The following NOL10 variants were observed in gnomAD, a reference collection of about 807,000 sequenced individuals.
The protein encoded by NOL10 is H_NH0074G24.1.
NOL10 carries 58 observed loss-of-function variants against 103.5 expected under a neutral mutation model. That is an observed-to-expected ratio of 0.56 (90% CI 0.45 to 0.70). NOL10 has a LOEUF of 0.70. Ranked by LOEUF, NOL10 falls within the 30% of genes least tolerant of loss-of-function variation. The pLI, the probability that NOL10 is intolerant of heterozygous loss-of-function variation, is 0.00. For synonymous variants in NOL10, 287 were observed against 282.5 expected, an observed-to-expected ratio of 1.02 and a Z score of -0.16; for missense variants, 763 against 807.3, an observed-to-expected ratio of 0.95 and a Z score of 0.67.
intron 13 of NOL10, among the ~76,000 whole-genome samples, chr2:10,623,624 T>C (rs1460394681): frequency 6.6e-6 from 1 of 152,208 alleles, no homozygotes; most frequent in African/African-American, 2.4e-5. Flanking sequence ...CAGTTTTTGA[T>C]ATCCCACCCT....
At chr2:10,652,414 G>GA (rs1337322070) in intron 12 of NOL10, among the ~76,000 whole-genome samples, 103 of 142,534 alleles carry the variant, frequency 7.2e-4, no homozygotes, top group Middle Eastern at 7.1e-3. Flanking sequence ...AAAGAAAAAA[G>GA]AAAAAAAAAA....
intron 16 of NOL10, 67 bp from the exon 17 acceptor site, chr2:10,601,009 A>G: frequency 1.1e-6 from 1 of 926,640 alleles, no homozygotes; most frequent in Non-Finnish European, 1.7e-6. Context: ...ATATTAGCTT[A>G]AAGGTAAACA....
intron 10 of NOL10, among the ~76,000 whole-genome samples, chr2:10,658,324 C>T (rs975344779): frequency 5.9e-5 from 9 of 152,278 alleles, no homozygotes; most frequent in East Asian, 3.9e-4. Context: ...AGAATCTCTT[C>T]GGACCCGTCA....
intron 17 of NOL10, among the ~76,000 whole-genome samples, chr2:10,594,665 A>G (rs1642898559): frequency 6.6e-6 from 1 of 152,184 alleles, no homozygotes; most frequent in Admixed American, 6.5e-5. Flanking sequence ...CAAGAAATGC[A>G]GTCACAGATT....
chr2:10,610,904 C>T (rs1676528151), intron 13 of NOL10, among the ~76,000 whole-genome samples: 1 of 152,240 alleles, frequency 6.6e-6, no homozygotes, highest in Non-Finnish European at 1.5e-5. Flanking sequence ...TTCTGTCCTG[C>T]TGTTACATTG....
At position 10,644,327 on chromosome 2, in the gene NOL10, TA is replaced by T; in HGVS notation, c.1018del (p.Tyr340ThrfsTer15). The T allele has an allele frequency of 6.5e-7, 1 of 1,533,886 alleles. No homozygotes were observed. The highest frequency in any genetic ancestry group is 8.8e-7 in the Non-Finnish European group (1 of 1,141,058). ...CCTCTTTGTATTACTTACTGGAATG[TA>T]ATAGATGCCCATCTTGGGGGTTTCA... The part of the protein sequence containing the change: ...ANETPKMGIY[Y>X]IPVLGPAPRW... On this transcript the variant is annotated frameshift_variant, in exon 13 of 21. Coordinates refer to ENST00000381685, the MANE Select transcript of NOL10 (RefSeq NM_024894.4). LOFTEE classifies it high-confidence loss of function.
intron 12 of NOL10, among the ~76,000 whole-genome samples, chr2:10,646,730 C>T (rs893082005): frequency 1.3e-5 from 2 of 152,288 alleles, no homozygotes; most frequent in African/African-American, 2.4e-5. Context: ...TGCTCAGGGC[C>T]ACCACATAGC....
intron 12 of NOL10, 84 bp downstream of exon 12, chr2:10,654,397 G>A (rs940560844): frequency 2.2e-5 from 21 of 976,454 alleles, no homozygotes; most frequent in African/African-American, 2.1e-4. Context: ...AAAAAGTATA[G>A]CCTTTTTATT....
intron 17 of NOL10, among the ~76,000 whole-genome samples, chr2:10,594,773 T>C (rs1018212107): frequency 6.6e-6 from 1 of 152,166 alleles, no homozygotes; most frequent in African/African-American, 2.4e-5. Flanking sequence ...GGAGGATCTC[T>C]TGAGCTCAGG....
chr2:10,648,757 C>G (rs527266510), intron 12 of NOL10, among the ~76,000 whole-genome samples: 1 of 151,942 alleles, frequency 6.6e-6, no homozygotes, highest in South Asian at 2.1e-4. Flanking sequence ...TCAAGTTAAA[C>G]AACATCACGA....
chr2:10,677,021 C>T (rs1681356034), intron 3 of NOL10, among the ~76,000 whole-genome samples: 1 of 151,690 alleles, frequency 6.6e-6, no homozygotes, highest in African/African-American at 2.4e-5. Context: ...TCACTGCAAC[C>T]TCTGCTGCCT....
In NOL10 at chr2:10,662,940, CA is replaced by C. The variant is rs771871464; in HGVS notation, c.677+18del. The C allele has an allele frequency of 5.7e-6, 9 of 1,580,284 alleles. No homozygotes were observed. Among genetic ancestry groups the C allele is most frequent in the East Asian group, 2.2e-5 (1 of 44,696 alleles). On this transcript the variant is annotated intron_variant, in intron 9 of 20. Coordinates refer to ENST00000381685, the MANE Select transcript of NOL10 (RefSeq NM_024894.4). The stretch of plus-strand genomic sequence containing the variant: ...TAAAAGTTGATGAACATTTACATTG[CA>C]AATTAATTTCTACTTACTCTGAATC...
At chr2:10,652,584 A>C (rs979538728) in intron 12 of NOL10, among the ~76,000 whole-genome samples, 1 of 152,070 alleles carries the variant, frequency 6.6e-6, no homozygotes, top group Non-Finnish European at 1.5e-5. Context: ...TGCCCACTGA[A>C]TCTCTTCCAT....
chr2:10,669,705 A>G (rs1183020569), intron 6 of NOL10, among the ~76,000 whole-genome samples: 1 of 151,154 alleles, frequency 6.6e-6, no homozygotes, highest in Non-Finnish European at 1.5e-5. Context: ...CATCCTTGCC[A>G]ATATGGTGAA....
chr2:10,583,398 G>A (rs1266924211), intron 19 of NOL10, among the ~76,000 whole-genome samples: 1 of 151,940 alleles, frequency 6.6e-6, no homozygotes. Context: ...CTTTTCATTC[G>A]TGATCTTGAC....
In NOL10 at chr2:10,667,206, A is replaced by G. The variant is rs1399175773; in HGVS notation, c.591+12T>C. The G allele has an allele frequency of 1.3e-6, 2 of 1,557,290 alleles. No individual in the cohort carries two copies. Among genetic ancestry groups the G allele is most frequent in the Non-Finnish European group, 8.7e-7 (1 of 1,145,140 alleles). On this transcript the variant is annotated intron_variant, in intron 8 of 20. Coordinates refer to ENST00000381685, the MANE Select transcript of NOL10 (RefSeq NM_024894.4). The stretch of plus-strand genomic sequence containing the variant: ...ACAAATATTCTAAAAAATAAAGTCA[A>G]CATATGCTTACCTCTATGGTTCCTG...
At chr2:10,654,773 C>A (rs1161559558) in intron 11 of NOL10, among the ~76,000 whole-genome samples, 1 of 151,862 alleles carries the variant, frequency 6.6e-6, no homozygotes, top group Non-Finnish European at 1.5e-5. Flanking sequence ...GAAGAAGTGA[C>A]CTGTCCAAAA....
chr2:10,612,954 T>C (rs1259200593), intron 13 of NOL10, among the ~76,000 whole-genome samples: 1 of 149,168 alleles, frequency 6.7e-6, no homozygotes, highest in Non-Finnish European at 1.5e-5. Flanking sequence ...ACCTGAGCCA[T>C]GATCACGCCA....
intron 13 of NOL10, among the ~76,000 whole-genome samples, chr2:10,638,658 AT>A (rs1347088600): frequency 6.6e-6 from 1 of 150,376 alleles, no homozygotes; most frequent in East Asian, 2.0e-4. Flanking sequence ...CCCCCGGCTG[AT>A]TTTTTGTCTC....
Sources: allele counts gnomAD v4.1 joint callset (sites outside exome capture counted in the v4.1 genomes callset), GRCh38; gene constraint gnomAD v4.1.1; transcripts MANE v1.5; gene names NCBI Gene and HGNC (gene_info 2026-07-23, HGNC 2026-07-21).